The following MATN2 variants were observed in gnomAD, a reference collection of about 807,000 sequenced individuals.
MATN2 encodes the protein matrilin-2.
In MATN2, 69 loss-of-function variants were observed where a neutral mutation model predicts 103.2. The ratio of observed to expected loss-of-function variants is 0.67; its 90% CI spans 0.55 to 0.82. The LOEUF is 0.82. MATN2 is among the 40% of genes least tolerant of loss of function. MATN2 has a pLI of 0.00. For missense variants in MATN2, 1,023 were observed against 1,211.5 expected, an observed-to-expected ratio of 0.84 and a Z score of 2.31; for synonymous variants, 429 against 450.2, an observed-to-expected ratio of 0.95 and a Z score of 0.60.
intron 4 of MATN2, chr8:97,950,863 G>A (rs955719835): frequency 6.6e-6 from 1 of 152,346 alleles, no homozygotes; most frequent in Admixed American, 6.5e-5. Flanking sequence ...TGCAGCTGGA[G>A]ATGGAGAATT....
At chr8:97,975,283 A>G in intron 5 of MATN2, among the ~76,000 whole-genome samples, 1 of 152,142 alleles carries the variant, frequency 6.6e-6, no homozygotes, top group Non-Finnish European at 1.5e-5. Flanking sequence ...TCTTAGTACA[A>G]CTTTTTTCTT....
At chr8:97,955,950 A>T (rs1183361562) in intron 4 of MATN2, among the ~76,000 whole-genome samples, 2 of 152,202 alleles carry the variant, frequency 1.3e-5, no homozygotes, top group African/African-American at 4.8e-5. Context: ...CTGAGATGTC[A>T]TTGTGTTCTT....
At chr8:97,985,661 G>C (rs1812166849) in intron 6 of MATN2, among the ~76,000 whole-genome samples, 1 of 152,184 alleles carries the variant, frequency 6.6e-6, no homozygotes, top group African/African-American at 2.4e-5. Context: ...AGGGAAACTG[G>C]TTCCTATAGA....
chr8:97,888,421 CGAGTTTT>C (rs1459896869), intron 2 of MATN2, among the ~76,000 whole-genome samples, 179 bp downstream of exon 2: 1 of 152,154 alleles, frequency 6.6e-6, no homozygotes, highest in Non-Finnish European at 1.5e-5. Context: ...TGGTTGCACA[CGAGTTTT>C]CAAAATAAAC....
In MATN2 at chr8:98,021,308, G is replaced by A; in HGVS notation, c.1923G>A (p.Glu641=). ...GCTCAGAGGGATTTGTTCTAGCTGA[G>A]GACGGAAGACGGTGCAAGAGTAAGT... ...CKCSEGFVLA[E]DGRRCKKCTE... Residue 641 remains glutamate (E), a synonymous_variant, in exon 13 of 19, where the codon GAG becomes GAA. Transcript: ENST00000254898. 6.2e-7 allele frequency: 1 copy of A among 1,613,420 alleles called. No homozygotes were observed. The highest frequency in any genetic ancestry group is 1.3e-5 in the African/African-American group (1 of 75,010).
rs111902561 is a variant in MATN2 at position 97,952,829 on chromosome 8, C to G, written c.836-8579C>G. ...TTCCAAATTACCTACTTTGCTGTAT[C>G]ACTTCAATTTAGCATAGAACTCAAA... On this transcript the variant is annotated intron_variant, in intron 4 of 18. Coordinates refer to ENST00000254898, the MANE Select transcript of MATN2 (RefSeq NM_002380.5). 1.6e-3 allele frequency among the ~76,000 whole-genome samples: 247 copies of G among 151,592 alleles called. 2 individuals carry two copies. The highest frequency in any genetic ancestry group is 5.6e-3 in the African/African-American group (230 of 41,320).
chr8:97,894,323 C>CTTTTTTTTTTTTTTTTTTTTTTTTTTTTT (rs58988866), intron 2 of MATN2, among the ~76,000 whole-genome samples: 1 of 59,212 alleles, frequency 1.7e-5, no homozygotes, highest in Non-Finnish European at 3.1e-5. Flanking sequence ...AAGAATTCAC[C>CTTTTTTTTTTTTTTTTTTTTTTTTTTTTT]TTTTTTTTTT....
At chr8:97,927,897 G>A (rs1166118864) in intron 2 of MATN2, among the ~76,000 whole-genome samples, 1 of 152,172 alleles carries the variant, frequency 6.6e-6, no homozygotes, top group Admixed American at 6.5e-5. Flanking sequence ...ATCTCCAAAG[G>A]AAGAGAGTTC....
chr8:97,970,252 G>C (rs576157623), intron 5 of MATN2, among the ~76,000 whole-genome samples: 1 of 152,272 alleles, frequency 6.6e-6, no homozygotes, highest in East Asian at 1.9e-4. Flanking sequence ...ATGATAGTAA[G>C]GGATGGTAAC....
At chr8:97,887,089 G>A (rs536259611) in intron 1 of MATN2, among the ~76,000 whole-genome samples, 6 of 152,054 alleles carry the variant, frequency 3.9e-5, no homozygotes, top group Admixed American at 6.5e-5. Context: ...ATTGGGTTTC[G>A]CTGTGTTGGC....
At chr8:98,028,483 G>C (rs1429034344) in intron 14 of MATN2, among the ~76,000 whole-genome samples, 5 of 152,118 alleles carry the variant, frequency 3.3e-5, no homozygotes, top group Admixed American at 1.3e-4. Flanking sequence ...CTTGGCTAAA[G>C]GAAACCCAAA....
At chr8:97,976,108 A>C (rs954088498) in intron 5 of MATN2, among the ~76,000 whole-genome samples, 9 of 151,920 alleles carry the variant, frequency 5.9e-5, no homozygotes, top group Non-Finnish European at 5.9e-5. Context: ...GAAGTTACAA[A>C]AACAATATTT....
rs773931953 is a variant in MATN2 at position 98,007,186 on chromosome 8, C to G, written c.1409C>G (p.Ser470Ter). 1.9e-6 allele frequency: 3 copies of G among 1,613,936 alleles called. No individual in the cohort carries two copies. The highest frequency in any genetic ancestry group is 2.5e-6 in the Non-Finnish European group (3 of 1,179,886). ...NTEDSFVCQC[S>*]EGFLINEDLK... is the part of the protein sequence containing the mutation. ...GAGGATTCCTTCGTCTGCCAGTGCT[C>G]AGAAGGCTTCCTCATCAACGAGGAC... is the stretch of plus-strand genomic sequence containing the variant. The change falls in exon 9 of 19, where the codon TCA (serine) becomes TGA (stop). Residue 470 changes from serine (S) to a stop codon, truncating the protein, a stop_gained. Coordinates refer to ENST00000254898, the MANE Select transcript of MATN2 (RefSeq NM_002380.5). LOFTEE classifies it high-confidence loss of function. The surrounding 1 kb of genome is among the most constrained non-coding windows in gnomAD (Gnocchi z 4.2).
chr8:97,975,174 T>A (rs1028975132), intron 5 of MATN2, among the ~76,000 whole-genome samples: 1 of 152,062 alleles, frequency 6.6e-6, no homozygotes, highest in Non-Finnish European at 1.5e-5. Context: ...CTGCCTTGAG[T>A]GTGTAGCATG....
intron 6 of MATN2, among the ~76,000 whole-genome samples, chr8:97,992,348 A>T (rs1052367507): frequency 6.6e-6 from 1 of 152,320 alleles, no homozygotes; most frequent in South Asian, 2.1e-4. Flanking sequence ...TCAAAGAAAA[A>T]GATTTTTTAA....
chr8:98,011,743 TAAC>T (rs1378951486), intron 10 of MATN2, among the ~76,000 whole-genome samples: 2 of 152,154 alleles, frequency 1.3e-5, no homozygotes, highest in African/African-American at 4.8e-5. Context: ...GGGTTGGTTT[TAAC>T]AACGTCTTAT....
chr8:97,889,878 C>A (rs56665063), intron 2 of MATN2, among the ~76,000 whole-genome samples: 1 of 152,038 alleles, frequency 6.6e-6, no homozygotes. Context: ...TCTCTCCCTC[C>A]CTTCCTCCCT....
At chr8:97,961,995 C>T (rs1175297438) in intron 5 of MATN2, among the ~76,000 whole-genome samples, 1 of 152,176 alleles carries the variant, frequency 6.6e-6, no homozygotes, top group Non-Finnish European at 1.5e-5. Context: ...GGTGAAAGAG[C>T]CCAGCCATAT....
intron 10 of MATN2, among the ~76,000 whole-genome samples, chr8:98,013,329 G>C (rs1040331784): frequency 6.6e-6 from 1 of 152,218 alleles, no homozygotes; most frequent in African/African-American, 2.4e-5. Context: ...CATTTTGCAA[G>C]GTGGGTGTGT....
Sources: gnomAD v4.1 joint callset for allele counts (sites outside exome capture counted in the v4.1 genomes callset) on GRCh38, gnomAD v4.1.1 for gene constraint, Gnocchi (gnomAD v3.1) non-coding constraint, MANE v1.5 for transcripts, NCBI Gene and HGNC (gene_info 2026-07-23, HGNC 2026-07-21) for gene names.